Variants in MYO16 observed in about 807,000 individuals in gnomAD.
The protein encoded by MYO16 is myosin XVI.
MYO16 carries 94 observed loss-of-function variants against 205.3 expected under a neutral mutation model. The observed-to-expected ratio is 0.46, with a 90% CI of 0.39 to 0.54. The LOEUF is 0.54. Among genes scored for constraint, MYO16 ranks in the 20% least tolerant of loss-of-function variants. The probability of loss-of-function intolerance (pLI) is 0.00; values close to 1 mark genes in which losing one functional copy is unlikely to be tolerated. For missense variants in MYO16, 2,315 were observed against 2,387.5 expected, an observed-to-expected ratio of 0.97 and a Z score of 0.63; for synonymous variants, 988 against 954.0, an observed-to-expected ratio of 1.04 and a Z score of -0.66.
chr13:109,196,762 T>C (rs1253065638), intron 34 of MYO16, among the ~76,000 whole-genome samples: 1 of 152,158 alleles, frequency 6.6e-6, no homozygotes, highest in Non-Finnish European at 1.5e-5. Context: ...TTTTCCTAGC[T>C]CCGTATAAAC....
chr13:108,751,282 T>C (rs1885229920), intron 4 of MYO16, among the ~76,000 whole-genome samples: 1 of 152,128 alleles, frequency 6.6e-6, no homozygotes. Context: ...CTGCATCAGC[T>C]TGTAGTGCTT....
intron 1 of MYO16, among the ~76,000 whole-genome samples, chr13:108,637,152 A>G (rs1232837082): frequency 7.9e-5 from 12 of 152,232 alleles, no homozygotes; most frequent in Non-Finnish European, 1.2e-4. Flanking sequence ...GCCTTTATAC[A>G]TTTGACTTTT....
chr13:108,823,040 G>A (rs1444584936), intron 8 of MYO16, 85 bp from the exon 9 acceptor site: 1 of 1,257,862 alleles, frequency 8.0e-7, no homozygotes, highest in Non-Finnish European at 1.1e-6. Context: ...AGCATTTTAA[G>A]CATATCGGAA....
intron 17 of MYO16, among the ~76,000 whole-genome samples, chr13:108,961,149 G>A (rs1594428122): frequency 1.3e-5 from 2 of 152,144 alleles, no homozygotes; most frequent in African/African-American, 2.4e-5. Context: ...TCTAAATAGC[G>A]TCCAACGTGA....
At chr13:108,597,672 C>T (rs1160935200) in intron 1 of MYO16, among the ~76,000 whole-genome samples, 8 of 152,282 alleles carry the variant, frequency 5.3e-5, no homozygotes, top group African/African-American at 9.6e-5. Flanking sequence ...CCTGCCCTGC[C>T]GTTCCCCTCC....
the MYO16 span, among the ~76,000 whole-genome samples, chr13:108,581,913 A>G: frequency 2.0e-5 from 3 of 151,684 alleles, no homozygotes; most frequent in African/African-American, 7.3e-5. Flanking sequence ...AAAGAAAAAG[A>G]AAAAGTAGGG....
the MYO16 span, among the ~76,000 whole-genome samples, chr13:108,523,870 C>T: frequency 6.6e-6 from 1 of 152,130 alleles, no homozygotes; most frequent in Non-Finnish European, 1.5e-5. Flanking sequence ...ATTGTAATTT[C>T]CAGTATTAGA....
chr13:108,771,140 G>A (rs1230103000), intron 4 of MYO16, among the ~76,000 whole-genome samples: 1 of 152,172 alleles, frequency 6.6e-6, no homozygotes, highest in Non-Finnish European at 1.5e-5. Flanking sequence ...GGGAGAGGTA[G>A]GGCGTAGAGG....
chr13:109,008,305 C>G (rs1462103451), intron 21 of MYO16, among the ~76,000 whole-genome samples: 2 of 152,062 alleles, frequency 1.3e-5, no homozygotes, highest in African/African-American at 4.8e-5. Flanking sequence ...TGTGTATGCA[C>G]TACTGTACTA....
intron 33 of MYO16, among the ~76,000 whole-genome samples, chr13:109,175,064 T>G (rs1489488008): frequency 6.6e-6 from 1 of 152,108 alleles, no homozygotes; most frequent in Non-Finnish European, 1.5e-5. Context: ...TTCTTTTCTT[T>G]TTATAAGAAT....
At chr13:109,167,043 G>C (rs1194353112) in intron 33 of MYO16, 1 of 152,366 alleles carries the variant, frequency 6.6e-6, no homozygotes, top group Admixed American at 6.6e-5. Flanking sequence ...GCCACAGAAG[G>C]TTCACATCCA....
At chr13:108,631,853 G>A (rs748747131) in intron 1 of MYO16, among the ~76,000 whole-genome samples, 6 of 152,230 alleles carry the variant, frequency 3.9e-5, no homozygotes, top group South Asian at 2.1e-4. Context: ...CAAAGCAGGC[G>A]GATCACCTGA....
intron 19 of MYO16, among the ~76,000 whole-genome samples, chr13:108,964,536 TG>T (rs1206792243): frequency 6.6e-6 from 1 of 152,226 alleles, no homozygotes; most frequent in Non-Finnish European, 1.5e-5. Context: ...TGGAACGCTG[TG>T]GTCAACAATT....
At chr13:108,588,204 C>A in the MYO16 span, among the ~76,000 whole-genome samples, 1 of 152,116 alleles carries the variant, frequency 6.6e-6, no homozygotes, top group Admixed American at 6.5e-5. Context: ...GTATTAAATG[C>A]AATCTACTGG....
intron 1 of MYO16, among the ~76,000 whole-genome samples, chr13:108,621,055 C>T (rs1254877373): frequency 9.2e-5 from 14 of 152,138 alleles, no homozygotes. Context: ...TACCACACAC[C>T]TCTCTTCTGC....
At chr13:108,764,137 G>A (rs1330116102) in intron 4 of MYO16, among the ~76,000 whole-genome samples, 1 of 152,110 alleles carries the variant, frequency 6.6e-6, no homozygotes, top group Non-Finnish European at 1.5e-5. Flanking sequence ...TGCAGCCTCA[G>A]CACAAACATG....
At chr13:108,695,844 C>T (rs1461234766) in intron 2 of MYO16, among the ~76,000 whole-genome samples, 1 of 152,048 alleles carries the variant, frequency 6.6e-6, no homozygotes, top group African/African-American at 2.4e-5. Flanking sequence ...AGAACACTGC[C>T]AGGATCCTTG....
chr13:108,639,641 A>G (rs1411533182), intron 1 of MYO16, among the ~76,000 whole-genome samples: 2 of 152,188 alleles, frequency 1.3e-5, no homozygotes, highest in East Asian at 1.9e-4. Flanking sequence ...CTAAGATGGA[A>G]TTCTTAGGAA....
chr13:109,068,914 A>G (rs890961934), intron 27 of MYO16, among the ~76,000 whole-genome samples: 5 of 152,088 alleles, frequency 3.3e-5, no homozygotes, highest in African/African-American at 9.7e-5. Flanking sequence ...TTTGTACCCA[A>G]AGAAACTGAA....
Sources: gnomAD v4.1 joint callset for allele counts (sites outside exome capture counted in the v4.1 genomes callset) on GRCh38, gnomAD v4.1.1 for gene constraint, MANE v1.5 for transcripts, NCBI Gene and HGNC (gene_info 2026-07-23, HGNC 2026-07-21) for gene names.